Variants in ULK4 observed in about 807,000 individuals in gnomAD.
ULK4 encodes unc-51 like kinase 4.
Under a neutral mutation model 160.6 loss-of-function variants are expected in ULK4, and 133 were observed. That is an observed-to-expected ratio of 0.83 (90% CI 0.72 to 0.96). The LOEUF (loss-of-function observed/expected upper bound fraction) is 0.96, where lower values mean the gene tolerates loss of function less well. Ranked by LOEUF, ULK4 falls within the 40% of genes least tolerant of loss-of-function variation. ULK4 has a pLI of 0.00. For synonymous variants in ULK4, 534 were observed against 539.8 expected (o/e 0.99, Z 0.15); for missense variants, 1,580 against 1,499.5 (o/e 1.05, Z -0.89).
At chr3:41,943,281 AT>A (rs1220105850) in intron 2 of ULK4, among the ~76,000 whole-genome samples, 3 of 72,894 alleles carry the variant, frequency 4.1e-5, no homozygotes, top group South Asian at 6.7e-4. Context: ...TCATTTTTCA[AT>A]GTGGCTACTA....
chr3:41,774,904 G>A (rs1418825570), intron 21 of ULK4, among the ~76,000 whole-genome samples: 1 of 150,372 alleles, frequency 6.7e-6, no homozygotes, highest in African/African-American at 2.5e-5. Context: ...TAAAAATAAT[G>A]AGTTCATGTC....
chr3:41,918,823 A>C (rs180741706), intron 6 of ULK4, among the ~76,000 whole-genome samples: 6 of 151,880 alleles, frequency 4.0e-5, no homozygotes, highest in African/African-American at 1.5e-4. Flanking sequence ...GGATGGTCTC[A>C]ATCTCCTGAC....
chr3:41,501,374 T>C (rs2085200131), intron 32 of ULK4, among the ~76,000 whole-genome samples: 1 of 152,110 alleles, frequency 6.6e-6, no homozygotes, highest in African/African-American at 2.4e-5. Flanking sequence ...GGCAGACACC[T>C]GTGGTCCCAG....
intron 31 of ULK4, among the ~76,000 whole-genome samples, chr3:41,607,873 G>A (rs115028529): frequency 0.013 from 1,920 of 152,206 alleles, 42 homozygotes; most frequent in African/African-American, 0.044. Context: ...TATAAAGACA[G>A]ATACAAACTA....
chr3:41,735,884 T>A (rs1164157087), intron 22 of ULK4, among the ~76,000 whole-genome samples: 44 of 120,598 alleles, frequency 3.6e-4, no homozygotes, highest in African/African-American at 1.3e-3. Context: ...ATGTTCCCCT[T>A]CCTGTGTCCA....
chr3:41,841,409 G>A (rs555638776), intron 17 of ULK4, among the ~76,000 whole-genome samples: 10 of 146,174 alleles, frequency 6.8e-5, no homozygotes, highest in East Asian at 6.2e-4. Flanking sequence ...GGTAGAGAGC[G>A]CCTGTGCCCG....
At position 41,956,666 on chromosome 3, in the gene ULK4, A is replaced by G. The variant is rs144917432; in HGVS notation, c.-48-1859T>C. 2.6e-3 allele frequency among the ~76,000 whole-genome samples: 403 copies of G among 152,340 alleles called. 2 individuals are homozygous for G. Among genetic ancestry groups the G allele is most frequent in the African/African-American group, 9.3e-3 (386 of 41,588 alleles). On this transcript the variant is annotated intron_variant, in intron 1 of 36. Transcript: ENST00000301831. ...GAAAATACAGTATAAACAAATATGGAATGATATTTCCATGTAATCCCTAGA... is the reference window on the plus strand; with the variant it reads ...GAAAATACAGTATAAACAAATATGGGATGATATTTCCATGTAATCCCTAGA...
intron 20 of ULK4, among the ~76,000 whole-genome samples, chr3:41,792,794 A>C (rs1341646698): frequency 6.6e-6 from 1 of 152,240 alleles, no homozygotes; most frequent in South Asian, 2.1e-4. Flanking sequence ...TTAACAGCAC[A>C]CTAGTACTTG....
chr3:41,858,340 C>T (rs150649885), intron 17 of ULK4, among the ~76,000 whole-genome samples: 4 of 149,866 alleles, frequency 2.7e-5, no homozygotes, highest in East Asian at 4.0e-4. Flanking sequence ...TTAGTAGGGA[C>T]GGGGTTTCAC....
chr3:41,443,114 C>T (rs1460866469), intron 34 of ULK4, among the ~76,000 whole-genome samples: 1 of 152,122 alleles, frequency 6.6e-6, no homozygotes, highest in Non-Finnish European at 1.5e-5. Context: ...ACATCTTTAT[C>T]CTTTTCATCA....
intron 19 of ULK4, among the ~76,000 whole-genome samples, 158 bp downstream of exon 19, chr3:41,819,265 T>A (rs879937221): frequency 6.6e-6 from 1 of 152,218 alleles, no homozygotes; most frequent in African/African-American, 2.4e-5. Context: ...TGCTCCACTG[T>A]AGGTCACTTG....
intron 18 of ULK4, among the ~76,000 whole-genome samples, chr3:41,822,423 C>CGTTTT (rs1374436640): frequency 6.6e-6 from 1 of 151,936 alleles, no homozygotes; most frequent in African/African-American, 2.4e-5. Flanking sequence ...TCGTTCGTTT[C>CGTTTT]GTTTTGTTTT....
chr3:41,760,938 T>C (rs1481891069), intron 21 of ULK4, among the ~76,000 whole-genome samples: 1 of 152,170 alleles, frequency 6.6e-6, no homozygotes, highest in African/African-American at 2.4e-5. Flanking sequence ...TACTGATACA[T>C]GCAGTGACAT....
chr3:41,689,876 A>G (rs1407305215), intron 27 of ULK4, among the ~76,000 whole-genome samples: 3 of 150,104 alleles, frequency 2.0e-5, no homozygotes, highest in African/African-American at 5.0e-5. Context: ...TGTGGAAGTC[A>G]GTGTGGCGAT....
intron 35 of ULK4, among the ~76,000 whole-genome samples, chr3:41,376,134 C>T (rs2081487219): frequency 6.7e-6 from 1 of 150,344 alleles, no homozygotes; most frequent in Non-Finnish European, 1.5e-5. Flanking sequence ...CAGAAAACAA[C>T]AGATGCTGGA....
chr3:41,763,556 T>C (rs1416582740), intron 21 of ULK4, among the ~76,000 whole-genome samples: 1 of 152,234 alleles, frequency 6.6e-6, no homozygotes, highest in Non-Finnish European at 1.5e-5. Context: ...TTTATTGTCA[T>C]ATAATATTCC....
Position 41,715,406 on chromosome 3 carries a change from G to A in ULK4, c.2577+41C>T, listed in dbSNP as rs779751001. ...TCTCAGCTCCAGTTTACAAAGAGAA[G>A]AGGCAAATTTATATCCTTTTCCTCC... On this transcript the variant is annotated intron_variant, in intron 24 of 36. Transcript: ENST00000301831. The A allele has an allele frequency of 3.1e-6, 5 of 1,613,562 alleles. No homozygotes were observed. The South Asian group carries it at 3.3e-5, about 11-fold the overall frequency.
At chr3:41,574,346 T>C (rs557893491) in intron 31 of ULK4, among the ~76,000 whole-genome samples, 6 of 152,098 alleles carry the variant, frequency 3.9e-5, no homozygotes, top group South Asian at 2.1e-4. Flanking sequence ...TGCCTCCCTA[T>C]TGTTCCCTCA....
chr3:41,696,509 A>T (rs551513908), intron 27 of ULK4, among the ~76,000 whole-genome samples: 75 of 151,566 alleles, frequency 4.9e-4, no homozygotes, highest in Non-Finnish European at 1.2e-4. Flanking sequence ...CCAATAAATA[A>T]CAGCACAGCC....
Sources: gnomAD v4.1 joint callset for allele counts (sites outside exome capture counted in the v4.1 genomes callset) on GRCh38, gnomAD v4.1.1 for gene constraint, MANE v1.5 for transcripts, NCBI Gene and HGNC (gene_info 2026-07-23, HGNC 2026-07-21) for gene names.